TAOK3: variants seen among roughly 807,000 people sequenced by gnomAD.
The protein encoded by TAOK3 is serine/threonine-protein kinase TAO3.
TAOK3 carries 40 observed loss-of-function variants against 120.4 expected under a neutral mutation model. The ratio of observed to expected loss-of-function variants is 0.33; its 90% CI spans 0.26 to 0.43. TAOK3 has a LOEUF of 0.43. TAOK3 is among the 20% of genes least tolerant of loss of function. The pLI is 1.00. For missense variants in TAOK3, 821 were observed against 1,112.1 expected, an observed-to-expected ratio of 0.74 and a Z score of 3.72; for synonymous variants, 355 against 387.5, an observed-to-expected ratio of 0.92 and a Z score of 0.99.
intron 9 of TAOK3, among the ~76,000 whole-genome samples, chr12:118,216,623 G>A (rs910392994): frequency 9.9e-5 from 15 of 152,056 alleles, no homozygotes; most frequent in South Asian, 4.1e-4. Flanking sequence ...TAGTTGTTAC[G>A]GAATAGAAGA....
chr12:118,199,590 T>TGGAA (rs1423084711), intron 12 of TAOK3: 5 of 334,516 alleles, frequency 1.5e-5, no homozygotes, highest in African/African-American at 2.1e-5. Context: ...AGGGACCTTC[T>TGGAA]GGAACATCAA....
chr12:118,259,345 A>C (rs1796995922), intron 2 of TAOK3, among the ~76,000 whole-genome samples: 1 of 152,094 alleles, frequency 6.6e-6, no homozygotes, highest in African/African-American at 2.4e-5. Flanking sequence ...CAGGAGTTTG[A>C]GACCAGCCTG....
At chr12:118,251,569 C>G (rs1441828766) in intron 3 of TAOK3, among the ~76,000 whole-genome samples, 1 of 152,182 alleles carries the variant, frequency 6.6e-6, no homozygotes, top group African/African-American at 2.4e-5. Flanking sequence ...TTAGTGCCTA[C>G]TGTAAATGAG....
At position 118,328,346 on chromosome 12, in the gene TAOK3, G is replaced by A. The variant is rs118030982; in HGVS notation, c.-194+44302C>T. Among the ~76,000 whole-genome samples the A allele has an allele frequency of 3.3e-3, 503 of 152,228 alleles. 18 individuals are homozygous for A. The East Asian group carries it at 0.077, about 23-fold the overall frequency. On this transcript the variant is annotated intron_variant, in intron 1 of 20. Coordinates refer to ENST00000392533, the MANE Select transcript of TAOK3 (RefSeq NM_016281.4). Reference sequence around the variant, plus strand: ...TGGGATTACAGGCATGAGCCACTGCGCCTGGCCTAACAAATACTTATTGAG... The same window carrying A: ...TGGGATTACAGGCATGAGCCACTGCACCTGGCCTAACAAATACTTATTGAG...
At chr12:118,196,224 G>A (rs1036991205) in intron 13 of TAOK3, among the ~76,000 whole-genome samples, 1 of 152,042 alleles carries the variant, frequency 6.6e-6, no homozygotes, top group African/African-American at 2.4e-5. Context: ...TGCATTTTGG[G>A]GGCTTGATCT....
intron 1 of TAOK3, among the ~76,000 whole-genome samples, chr12:118,314,838 T>C (rs774904634): frequency 6.6e-6 from 1 of 152,162 alleles, no homozygotes; most frequent in Non-Finnish European, 1.5e-5. Context: ...AACCATTTTA[T>C]CAGCATAATT....
At chr12:118,210,541 T>C (rs1040308596) in intron 11 of TAOK3, among the ~76,000 whole-genome samples, 6 of 152,078 alleles carry the variant, frequency 3.9e-5, no homozygotes, top group African/African-American at 1.4e-4. Context: ...CACCAGGATA[T>C]GATTTACTGA....
chr12:118,213,241 CATA>C (rs2038719039), intron 10 of TAOK3, among the ~76,000 whole-genome samples: 1 of 152,114 alleles, frequency 6.6e-6, no homozygotes, highest in South Asian at 2.1e-4. Context: ...AAGGTCAAAT[CATA>C]ATATACATCA....
At chr12:118,366,131 G>A (rs540015474) in intron 1 of TAOK3, among the ~76,000 whole-genome samples, 2 of 152,262 alleles carry the variant, frequency 1.3e-5, no homozygotes, top group South Asian at 2.1e-4. Flanking sequence ...AGGCGTGGTG[G>A]TTGGCGCCTG....
chr12:118,224,558 G>A (rs1484375108), intron 9 of TAOK3, among the ~76,000 whole-genome samples: 1 of 152,186 alleles, frequency 6.6e-6, no homozygotes, highest in Non-Finnish European at 1.5e-5. Flanking sequence ...AGTTTAAACA[G>A]AAGAGAACCA....
chr12:118,155,197 G>C (rs548694938), intron 19 of TAOK3, among the ~76,000 whole-genome samples: 2 of 151,280 alleles, frequency 1.3e-5, no homozygotes, highest in African/African-American at 4.9e-5. Flanking sequence ...GGTTTCACCA[G>C]GTTGGCCAGG....
At chr12:118,343,222 G>A (rs1317903695) in intron 1 of TAOK3, among the ~76,000 whole-genome samples, 2 of 151,914 alleles carry the variant, frequency 1.3e-5, no homozygotes, top group Non-Finnish European at 2.9e-5. Context: ...GAGGTCAGGA[G>A]TTCAAGACCA....
intron 9 of TAOK3, among the ~76,000 whole-genome samples, chr12:118,229,347 A>G (rs979267492): frequency 3.3e-5 from 5 of 151,866 alleles, no homozygotes; most frequent in African/African-American, 1.2e-4. Flanking sequence ...TGATCTGCCC[A>G]CCTTGGCCGC....
chr12:118,201,235 T>C, intron 12 of TAOK3, 61 bp downstream of exon 12: 2 of 1,498,110 alleles, frequency 1.3e-6, no homozygotes, highest in Non-Finnish European at 1.8e-6. Flanking sequence ...TAGTGCCCAG[T>C]CTAGAACTTT....
chr12:118,234,420 A>G (rs1415081236), intron 8 of TAOK3, among the ~76,000 whole-genome samples: 1 of 151,304 alleles, frequency 6.6e-6, no homozygotes, highest in African/African-American at 2.4e-5. Context: ...AATTTTTTGT[A>G]TTTTTAGTAG....
chr12:118,171,927 T>C (rs1227440880), intron 17 of TAOK3, among the ~76,000 whole-genome samples: 1 of 152,228 alleles, frequency 6.6e-6, no homozygotes, highest in Non-Finnish European at 1.5e-5. Context: ...ATATGTCACC[T>C]AACATATTGT....
chr12:118,224,663 G>A (rs2039415557), intron 9 of TAOK3, among the ~76,000 whole-genome samples: 1 of 152,110 alleles, frequency 6.6e-6, no homozygotes, highest in South Asian at 2.1e-4. Flanking sequence ...CTTTCAACAG[G>A]AGATCAATTT....
At chr12:118,259,033 G>C (rs2041112861) in intron 2 of TAOK3, among the ~76,000 whole-genome samples, 1 of 152,076 alleles carries the variant, frequency 6.6e-6, no homozygotes, top group African/African-American at 2.4e-5. Flanking sequence ...ATATTTAAAT[G>C]TAAAAATGAG....
chr12:118,349,431 G>A (rs542132604), intron 1 of TAOK3, among the ~76,000 whole-genome samples: 1 of 152,220 alleles, frequency 6.6e-6, no homozygotes, highest in South Asian at 2.1e-4. Flanking sequence ...GCCATAAAAA[G>A]GAATCATCAC....
Sources: allele counts gnomAD v4.1 joint callset (sites outside exome capture counted in the v4.1 genomes callset), GRCh38; gene constraint gnomAD v4.1.1; transcripts MANE v1.5; gene names NCBI Gene and HGNC (gene_info 2026-07-23, HGNC 2026-07-21).